Variants in POLK observed in about 807,000 individuals in gnomAD.
The protein encoded by POLK is DNA polymerase kappa.
POLK carries 76 observed loss-of-function variants against 94.0 expected under a neutral mutation model. That is an observed-to-expected ratio of 0.81 (90% confidence interval 0.67 to 0.98). The LOEUF (loss-of-function observed/expected upper bound fraction) is 0.98, where lower values mean the gene tolerates loss of function less well. Ranked by LOEUF, POLK falls within the 50% of genes least tolerant of loss-of-function variation. The pLI, the probability that POLK is intolerant of heterozygous loss-of-function variation, is 0.00. For missense variants in POLK, 954 were observed against 1,010.1 expected (o/e 0.94, Z 0.75); for synonymous variants, 349 against 325.4 (o/e 1.07, Z -0.78).
rs535687134 is a variant in POLK, at chr5:75,557,657, C to T, written c.255+5066C>T. 2.3e-4 allele frequency among the ~76,000 whole-genome samples: 35 copies of T among 152,194 alleles called. No homozygotes were observed. In the South Asian group the frequency reaches 5.0e-3, roughly 22 times the overall value. ...AGTTGAACCATCATAGGCCAGAGAC[C>T]GTATTTAGTTCTTCTTTGCTTTCTT... On this transcript the variant is annotated intron_variant, in intron 3 of 14. Coordinates refer to ENST00000241436, the Ensembl canonical transcript of POLK.
At chr5:75,598,982 C>G (rs1282288133) in exon 15 of POLK, 2 of 152,054 alleles carry the variant, frequency 1.3e-5, no homozygotes, top group Non-Finnish European at 2.9e-5. Flanking sequence ...TGGCTCACAC[C>G]TGTAATGCCA....
chr5:75,542,687 A>G (rs1561352777), intron 1 of POLK, among the ~76,000 whole-genome samples: 2 of 147,544 alleles, frequency 1.4e-5, no homozygotes, highest in Non-Finnish European at 3.0e-5. Context: ...ATATATATAC[A>G]TATATGTATA....
At chr5:75,569,759 T>G (rs530563245) in intron 4 of POLK, among the ~76,000 whole-genome samples, 1 of 152,166 alleles carries the variant, frequency 6.6e-6, no homozygotes, top group Non-Finnish European at 1.5e-5. Context: ...CAAACGAAGC[T>G]TCGTCTGTAT....
intron 1 of POLK, among the ~76,000 whole-genome samples, chr5:75,528,176 A>G (rs1768965274): frequency 6.6e-6 from 1 of 152,174 alleles, no homozygotes; most frequent in Non-Finnish European, 1.5e-5. Flanking sequence ...TAAAATATAT[A>G]GATGATACAT....
intron 3 of POLK, among the ~76,000 whole-genome samples, chr5:75,560,152 A>G (rs1770894327): frequency 6.6e-6 from 1 of 152,212 alleles, no homozygotes; most frequent in Non-Finnish European, 1.5e-5. Context: ...AGGGCAAATT[A>G]CTTACTCTTA....
At chr5:75,599,264 T>C (rs1172650753) in exon 15 of POLK, 1 of 152,062 alleles carries the variant, frequency 6.6e-6, no homozygotes, top group Non-Finnish European at 1.5e-5. Flanking sequence ...TAATAATAGT[T>C]ATTATTTAAT....
intron 1 of POLK, among the ~76,000 whole-genome samples, chr5:75,539,922 A>G (rs1055738097): frequency 6.6e-6 from 1 of 152,236 alleles, no homozygotes; most frequent in East Asian, 1.9e-4. Context: ...CAGAGATCTA[A>G]GGAAATATTT....
At chr5:75,596,991 T>A (rs1033988348) in exon 13 of POLK, 1 of 1,613,848 alleles carries the variant, frequency 6.2e-7, no homozygotes, top group Non-Finnish European at 8.5e-7. Context: ...ACCGCCAGCC[T>A]TACTTATGTG....
exon 7 of POLK, chr5:75,581,442 A>C: frequency 6.2e-7 from 1 of 1,613,048 alleles, no homozygotes; most frequent in Non-Finnish European, 8.5e-7. Context: ...ACTGACAGCC[A>C]GTGCAGGTAT....
At chr5:75,511,226 C>T (rs760785239), upstream of POLK, 1 of 1,611,624 alleles carries the variant, frequency 6.2e-7, no homozygotes, top group Non-Finnish European at 8.5e-7. Flanking sequence ...GACAACCGAG[C>T]AGGAGACCGG....
chr5:75,599,730 A>C (rs916094660), exon 15 of POLK: 1 of 152,172 alleles, frequency 6.6e-6, no homozygotes, highest in African/African-American at 2.4e-5. Context: ...TAAATGCTAA[A>C]TTATTTTCAT....
chr5:75,595,472 A>AGAACATTAT (rs1450517243), intron 12 of POLK, among the ~76,000 whole-genome samples: 1 of 152,178 alleles, frequency 6.6e-6, no homozygotes, highest in Non-Finnish European at 1.5e-5. Flanking sequence ...GTTAAGTAAA[A>AGAACATTAT]GAAGCCAGTC....
chr5:75,600,796 C>G (rs1773280596), exon 15 of POLK: 1 of 152,186 alleles, frequency 6.6e-6, no homozygotes, highest in Non-Finnish European at 1.5e-5. Flanking sequence ...AAGCAAATCA[C>G]AGAAGGATGC....
chr5:75,577,684 G>T (rs1278914910), intron 6 of POLK, among the ~76,000 whole-genome samples: 3 of 152,162 alleles, frequency 2.0e-5, no homozygotes, highest in Admixed American at 2.0e-4. Flanking sequence ...CTTCAGACGG[G>T]CCAGGCAGTG....
intron 1 of POLK, among the ~76,000 whole-genome samples, chr5:75,517,628 T>C (rs956966458): frequency 4.8e-4 from 73 of 152,236 alleles, no homozygotes; most frequent in African/African-American, 1.6e-3. Context: ...ATGCCCTTTA[T>C]TTCTTTCTCT....
chr5:75,561,415 C>T (rs1021847894), intron 3 of POLK, among the ~76,000 whole-genome samples: 24 of 152,240 alleles, frequency 1.6e-4, no homozygotes, highest in African/African-American at 5.1e-4. Flanking sequence ...AGCTGTTTGT[C>T]AGATGGATAG....
chr5:75,587,024 A>G lies in POLK; in HGVS notation c.1227-2A>G. ...ATAAAGACCTTTTTTTTTCATTTCA[A>G]GGGATGGAGAGAGGAAAAGTATGAG... On this transcript the variant is annotated splice_acceptor_variant, in intron 9 of 14. Transcript: ENST00000241436. LOFTEE classifies it high-confidence loss of function. The G allele has an allele frequency of 2.6e-6, 4 of 1,544,308 alleles. No homozygotes were observed. The highest frequency in any genetic ancestry group is 2.5e-5 in the South Asian group (2 of 81,124).
At chr5:75,510,970 C>G (rs1305030442), upstream of POLK, 2 of 1,177,884 alleles carry the variant, frequency 1.7e-6, no homozygotes, top group Non-Finnish European at 2.3e-6. Flanking sequence ...ATCCCCGCCT[C>G]ATCCCTAGTC....
downstream of POLK, among the ~76,000 whole-genome samples, chr5:75,605,118 T>TACACACACACACACACAC (rs3842052): frequency 1.4e-5 from 2 of 146,740 alleles, no homozygotes; most frequent in African/African-American, 2.5e-5. Context: ...TGTATACACA[T>TACACACACACACACACAC]ACACACACAC....
Sources: allele counts gnomAD v4.1 joint callset (sites outside exome capture counted in the v4.1 genomes callset), GRCh38; gene constraint gnomAD v4.1.1; transcripts MANE v1.5; gene names NCBI Gene and HGNC (gene_info 2026-07-23, HGNC 2026-07-21).